EEA1: variants seen among roughly 807,000 people sequenced by gnomAD.
EEA1 encodes the protein early endosome antigen 1, 162kD.
In EEA1, 111 loss-of-function variants were observed where a neutral mutation model predicts 209.2. The ratio of observed to expected loss-of-function variants is 0.53; its 90% confidence interval spans 0.45 to 0.62. EEA1 has a LOEUF of 0.62. Ranked by LOEUF, EEA1 falls within the 20% of genes least tolerant of loss-of-function variation. EEA1 has a pLI of 0.00. For missense variants in EEA1, 1,343 were observed against 1,530.8 expected, an observed-to-expected ratio of 0.88 and a Z score of 2.05; for synonymous variants, 536 against 540.6, an observed-to-expected ratio of 0.99 and a Z score of 0.12.
At chr12:92,797,595 T>A (rs1421192270) in intron 21 of EEA1, among the ~76,000 whole-genome samples, 1 of 152,192 alleles carries the variant, frequency 6.6e-6, no homozygotes, top group Non-Finnish European at 1.5e-5. Context: ...TTGTGTTTTT[T>A]ATTTCACTAA....
At chr12:92,888,319 G>A (rs1026240911) in intron 2 of EEA1, among the ~76,000 whole-genome samples, 5 of 152,108 alleles carry the variant, frequency 3.3e-5, no homozygotes, top group South Asian at 2.1e-4. Flanking sequence ...AGTGGCTTAC[G>A]CCTGTAATGC....
chr12:92,795,614 G>T (rs1874624591), intron 21 of EEA1, among the ~76,000 whole-genome samples: 2 of 152,180 alleles, frequency 1.3e-5, no homozygotes, highest in Non-Finnish European at 2.9e-5. Flanking sequence ...AAATGAGAAG[G>T]ATGGATTCAA....
At chr12:92,811,519 T>C in intron 16 of EEA1, 85 bp from the exon 17 acceptor site, 1 of 877,714 alleles carries the variant, frequency 1.1e-6, no homozygotes, top group Non-Finnish European at 1.5e-6. Context: ...TTGAAAACTC[T>C]AATTTTATTT....
In EEA1 at chr12:92,884,102, G is replaced by C. The variant is rs1879279808; in HGVS notation, c.117+7527C>G. The C allele has an allele frequency of 1.7e-5, 21 of 1,213,526 alleles. No homozygotes were observed. In the South Asian group the frequency reaches 2.5e-4, roughly 15 times the overall value. The allele number at this position is 1,213,526 out of a possible 1,614,324, so 75.2% of individuals were successfully genotyped here. A position where few individuals can be genotyped will look rare whatever the true frequency, so the allele number is the denominator to read the frequency against. ...TTAACTATGAAAAAGATATTTGTTG[G>C]TGGCATTAAACAATGAAGAACAACA... On this transcript the variant is annotated intron_variant, in intron 2 of 28. Transcript: ENST00000322349.
chr12:92,815,976 G>GT (rs1057086588), intron 15 of EEA1, among the ~76,000 whole-genome samples: 3 of 151,528 alleles, frequency 2.0e-5, no homozygotes, highest in African/African-American at 7.3e-5. Context: ...GAAAGGAAGA[G>GT]TGAGAGGAAG....
chr12:92,926,899 A>C (rs1421494807), intron 1 of EEA1, among the ~76,000 whole-genome samples: 1 of 152,060 alleles, frequency 6.6e-6, no homozygotes, highest in Non-Finnish European at 1.5e-5. Flanking sequence ...ATTCTATTAC[A>C]TAGCACTGTC....
intron 22 of EEA1, among the ~76,000 whole-genome samples, chr12:92,784,126 G>A (rs1287677766): frequency 6.6e-6 from 1 of 152,062 alleles, no homozygotes; most frequent in Non-Finnish European, 1.5e-5. Context: ...CACTAATCCA[G>A]CACCTAACCA....
At chr12:92,850,879 T>C (rs1415250088) in intron 9 of EEA1, among the ~76,000 whole-genome samples, 1 of 152,090 alleles carries the variant, frequency 6.6e-6, no homozygotes, top group Non-Finnish European at 1.5e-5. Flanking sequence ...ACAATATATA[T>C]ATTAAACAGA....
At chr12:92,897,595 G>A (rs1001398253) in intron 1 of EEA1, among the ~76,000 whole-genome samples, 3 of 152,130 alleles carry the variant, frequency 2.0e-5, no homozygotes, top group Non-Finnish European at 4.4e-5. Context: ...CTCTGCTTTC[G>A]TTCTTTTGTT....
chr12:92,860,446 C>T (rs1266451670), intron 3 of EEA1, among the ~76,000 whole-genome samples: 2 of 152,208 alleles, frequency 1.3e-5, no homozygotes, highest in African/African-American at 4.8e-5. Context: ...GAAATCCCTT[C>T]ATACTTGAAC....
At chr12:92,836,950 G>A (rs1291931894) in intron 10 of EEA1, among the ~76,000 whole-genome samples, 43 of 151,842 alleles carry the variant, frequency 2.8e-4, no homozygotes, top group African/African-American at 7.3e-5. Flanking sequence ...GTGAAACCCC[G>A]TCTCTACTAA....
At chr12:92,778,508 T>C (rs1365680173) in intron 25 of EEA1, among the ~76,000 whole-genome samples, 3 of 152,012 alleles carry the variant, frequency 2.0e-5, no homozygotes, top group Non-Finnish European at 4.4e-5. Context: ...AAGCTGAAAT[T>C]TCCTTATTCG....
chr12:92,866,440 G>A (rs896860905), intron 2 of EEA1, among the ~76,000 whole-genome samples: 3 of 151,546 alleles, frequency 2.0e-5, no homozygotes, highest in Non-Finnish European at 2.9e-5. Context: ...TAAGCAACAA[G>A]TAAATATATT....
At chr12:92,886,487 G>T (rs1402226233) in intron 2 of EEA1, among the ~76,000 whole-genome samples, 2 of 54,314 alleles carry the variant, frequency 3.7e-5, no homozygotes, top group Non-Finnish European at 7.4e-5. Flanking sequence ...AGGAGGGGAG[G>T]AGAGGGGAGG....
At chr12:92,826,741 A>T (rs1876325365) in intron 12 of EEA1, among the ~76,000 whole-genome samples, 1 of 151,228 alleles carries the variant, frequency 6.6e-6, no homozygotes, top group African/African-American at 2.4e-5. Flanking sequence ...AGAAAAGAAA[A>T]AAAGCAGTAC....
intron 21 of EEA1, among the ~76,000 whole-genome samples, chr12:92,794,634 G>C (rs150247481): frequency 6.9e-4 from 103 of 149,866 alleles, no homozygotes; most frequent in African/African-American, 2.5e-3. Flanking sequence ...AACAAGGACA[G>C]AAAACCACAC....
chr12:92,799,060 G>T lies in EEA1; in HGVS notation c.2799C>A (p.Leu933=), dbSNP rs145808763. The part of the protein sequence containing the change: ...KEASHQLKLE[L]NSMQEQLIQA... ...GTATAAGTTGTTCCTGCATTGAATT[G>T]AGTTCCAATTTCAACTGATGAGAAG... is the stretch of plus-strand genomic sequence containing the variant. The change falls in exon 21 of 29, where the codon CTC becomes CTA. Residue 933 remains leucine, a synonymous_variant. Transcript: ENST00000322349. The T allele has an allele frequency of 7.4e-5, 118 of 1,592,598 alleles. No individual in the cohort carries two copies. In the African/African-American group the frequency reaches 1.5e-3, roughly 20 times the overall value.
At chr12:92,869,326 C>T (rs1196090419) in intron 2 of EEA1, among the ~76,000 whole-genome samples, 1 of 152,154 alleles carries the variant, frequency 6.6e-6, no homozygotes, top group East Asian at 1.9e-4. Flanking sequence ...AGATTTAAAA[C>T]AATATATTCA....
At chr12:92,832,486 C>T in intron 11 of EEA1, 26 bp downstream of exon 11, 1 of 1,570,962 alleles carries the variant, frequency 6.4e-7, no homozygotes, top group East Asian at 2.3e-5. Context: ...GGGAGAATTA[C>T]AATAAATAAA....
Sources: allele counts gnomAD v4.1 joint callset (sites outside exome capture counted in the v4.1 genomes callset), GRCh38; gene constraint gnomAD v4.1.1; transcripts MANE v1.5; gene names NCBI Gene and HGNC (gene_info 2026-07-23, HGNC 2026-07-21).